The following KCNK9 variants were observed in gnomAD, a reference collection of about 807,000 sequenced individuals.
The protein encoded by KCNK9 is potassium two pore domain channel subfamily K member 9, also known as potassium channel subfamily K member 9.
In KCNK9, 1 loss-of-function variant was observed where a neutral mutation model predicts 10.8. The observed-to-expected ratio is 0.09, with a 90% CI of 0.03 to 0.44. KCNK9 has a LOEUF of 0.44. Among genes scored for constraint, KCNK9 ranks in the 20% least tolerant of loss-of-function variants. KCNK9 has a pLI of 0.97. For missense variants in KCNK9, 303 were observed against 515.0 expected (o/e 0.59, Z 3.98); for synonymous variants, 231 against 222.7 (o/e 1.04, Z -0.33).
chr8:139,624,263 G>C (rs1453508824), intron 1 of KCNK9, among the ~76,000 whole-genome samples: 1 of 152,228 alleles, frequency 6.6e-6, no homozygotes, highest in Non-Finnish European at 1.5e-5. Flanking sequence ...CACGGAGTCA[G>C]GCCTCTGGGT....
At chr8:139,619,213 G>A (rs1814700047) in intron 1 of KCNK9, 114 bp from the exon 2 acceptor site, 7 of 1,205,210 alleles carry the variant, frequency 5.8e-6, no homozygotes, top group Middle Eastern at 4.5e-4. Flanking sequence ...ACCTGGTACT[G>A]GGGGAATTTC....
intron 1 of KCNK9, among the ~76,000 whole-genome samples, chr8:139,649,190 C>T (rs780701210): frequency 3.3e-5 from 5 of 152,100 alleles, no homozygotes; most frequent in Admixed American, 6.5e-5. Context: ...GGATGGACTC[C>T]GGTTAAATTA....
intron 1 of KCNK9, among the ~76,000 whole-genome samples, chr8:139,650,680 A>G (rs1165145308): frequency 6.6e-6 from 1 of 152,204 alleles, no homozygotes; most frequent in African/African-American, 2.4e-5. Context: ...ATAGAGATGG[A>G]AAGTTTACAA....
rs898007381 is a variant in KCNK9 at position 139,684,968 on chromosome 8, T to C, written c.283+17742A>G. ...ATAAAAGTTAATAAAATAATGATAA[T>C]TTAAACACTACATGTGCTAAACCCA... On this transcript the variant is annotated intron_variant, in intron 1 of 1. Transcript: ENST00000520439. Among the ~76,000 whole-genome samples the C allele has an allele frequency of 3.3e-5, 5 of 152,188 alleles. No individual in the cohort carries two copies. The East Asian group carries it at 9.6e-4, about 29-fold the overall frequency.
chr8:139,668,173 G>T lies in KCNK9; in HGVS notation c.283+34537C>A, dbSNP rs141788004. Among the ~76,000 whole-genome samples the T allele has an allele frequency of 4.3e-4, 65 of 152,224 alleles. 1 individual carries two copies. The highest frequency in any genetic ancestry group is 1.5e-3 in the African/African-American group (63 of 41,542). ...AGTTCAGTTCTTTTGCATTTGCTGA[G>T]GAATGTTTTGGAGGGTGGAGGGTGA... is the stretch of plus-strand genomic sequence containing the variant. On this transcript the variant is annotated intron_variant, in intron 1 of 1. Transcript: ENST00000520439.
Position 139,703,015 on chromosome 8 carries a change from C to A in KCNK9, c.-23G>T, listed in dbSNP as rs1483711625. On this transcript the variant is annotated 5_prime_UTR_variant, in exon 1 of 2. Transcript: ENST00000520439. The surrounding 1 kb of genome is among the most constrained non-coding windows in gnomAD (Gnocchi z 6.4). ...CATGGCCGCCAGCAAGGAGCCGGCG[C>A]GGGGGGCATGTCCCGCAGGCTCACA... 1 of 1,545,288 alleles carries A rather than the reference C, an allele frequency of 6.5e-7. No individual in the cohort carries two copies. Among genetic ancestry groups the A allele is most frequent in the African/African-American group, 1.4e-5 (1 of 72,966 alleles).
chr8:139,612,630 A>G (rs904766733), downstream of KCNK9: 11 of 152,144 alleles, frequency 7.2e-5, no homozygotes, highest in African/African-American at 2.7e-4. Context: ...TGGCAGTGAG[A>G]CCCAGCATCC....
intron 1 of KCNK9, among the ~76,000 whole-genome samples, chr8:139,656,094 C>T (rs1294151166): frequency 6.6e-6 from 1 of 152,202 alleles, no homozygotes; most frequent in Non-Finnish European, 1.5e-5. Flanking sequence ...GTCACCCCTC[C>T]TCATGGGCAC....
rs1456458671 is a variant in KCNK9, at chr8:139,662,126, T to C, written c.283+40584A>G. 3.9e-5 allele frequency among the ~76,000 whole-genome samples: 6 copies of C among 152,262 alleles called. No individual in the cohort carries two copies. In the East Asian group the frequency reaches 1.2e-3, roughly 29 times the overall value. On this transcript the variant is annotated intron_variant, in intron 1 of 1. Coordinates refer to ENST00000520439, the MANE Select transcript of KCNK9 (RefSeq NM_001282534.2). ...CAGGGGCCCACCTCTCCCCCACCACTTGGGGAGGATCCTGTAGCCGCCCCA... is the reference window on the plus strand; with the variant it reads ...CAGGGGCCCACCTCTCCCCCACCACCTGGGGAGGATCCTGTAGCCGCCCCA...
chr8:139,663,110 G>A (rs1395522703), intron 1 of KCNK9, among the ~76,000 whole-genome samples: 2 of 152,158 alleles, frequency 1.3e-5, no homozygotes, highest in African/African-American at 4.8e-5. Flanking sequence ...AGGAGGGACT[G>A]TGCAGGTCTG....
At chr8:139,668,118 A>G (rs969867021) in intron 1 of KCNK9, among the ~76,000 whole-genome samples, 1 of 152,194 alleles carries the variant, frequency 6.6e-6, no homozygotes, top group African/African-American at 2.4e-5. Context: ...TTAGCAATAA[A>G]GTATTTTTCA....
At chr8:139,687,499 T>TTC (rs1411960590) in intron 1 of KCNK9, among the ~76,000 whole-genome samples, 7,911 of 41,214 alleles carry the variant, frequency 0.19, 1,563 homozygotes, top group Non-Finnish European at 0.26. Context: ...TACACATATA[T>TTC]ACATATATAT....
At chr8:139,624,630 T>TCAGCC (rs1386484716) in intron 1 of KCNK9, among the ~76,000 whole-genome samples, 16 of 152,178 alleles carry the variant, frequency 1.1e-4, no homozygotes, top group African/African-American at 3.4e-4. Context: ...AACCCCCAGC[T>TCAGCC]CAGCCCAGCC....
At chr8:139,601,231 TC>T (rs1817360507) in exon 3 of KCNK9, 1 of 152,222 alleles carries the variant, frequency 6.6e-6, no homozygotes, top group Admixed American at 6.5e-5. Flanking sequence ...TCAGACGATT[TC>T]CCCAACTGAG....
chr8:139,701,495 G>A (rs1817218377), intron 1 of KCNK9, among the ~76,000 whole-genome samples: 2 of 152,084 alleles, frequency 1.3e-5, no homozygotes, highest in Admixed American at 1.3e-4. Flanking sequence ...AGGGAAATTA[G>A]AGGAGGAGGT....
intron 1 of KCNK9, among the ~76,000 whole-genome samples, chr8:139,697,339 GTGGATGGTTGGATGGA>G (rs1817085994): frequency 7.1e-6 from 1 of 141,074 alleles, no homozygotes; most frequent in Non-Finnish European, 1.6e-5. Flanking sequence ...GAATGGGTGA[GTGGATGGTTGGATGGA>G]TGGATGGATG....
intron 2 of KCNK9, among the ~76,000 whole-genome samples, chr8:139,607,491 G>C (rs1391734282): frequency 6.6e-6 from 1 of 152,180 alleles, no homozygotes; most frequent in Non-Finnish European, 1.5e-5. Context: ...CCTCATAGCT[G>C]TGTCATCTGA....
At chr8:139,674,094 T>C (rs981297157) in intron 1 of KCNK9, among the ~76,000 whole-genome samples, 3 of 152,160 alleles carry the variant, frequency 2.0e-5, no homozygotes, top group Admixed American at 2.0e-4. Flanking sequence ...TATTGTGGAA[T>C]GAAGGTTTGC....
At chr8:139,694,149 G>T (rs868354579) in intron 1 of KCNK9, among the ~76,000 whole-genome samples, 2 of 152,100 alleles carry the variant, frequency 1.3e-5, no homozygotes, top group African/African-American at 2.4e-5. Context: ...TAGATCAGGG[G>T]TTCGGCGGCA....
Sources: allele counts gnomAD v4.1 joint callset (sites outside exome capture counted in the v4.1 genomes callset), GRCh38; gene constraint gnomAD v4.1.1; non-coding constraint Gnocchi (gnomAD v3.1); transcripts MANE v1.5; gene names NCBI Gene and HGNC (gene_info 2026-07-23, HGNC 2026-07-21).